Variants in NKAIN3 observed in about 807,000 individuals in gnomAD.
NKAIN3 encodes the protein sodium/potassium transporting ATPase interacting 3, also known as sodium/potassium-transporting ATPase subunit beta-1-interacting protein 3.
In NKAIN3, 25 loss-of-function variants were observed where a neutral mutation model predicts 30.2. The observed-to-expected ratio is 0.83, with a 90% CI of 0.60 to 1.16. The LOEUF (loss-of-function observed/expected upper bound fraction) is 1.16. Among genes scored for constraint, NKAIN3 ranks in the 50% most tolerant of loss-of-function variants. The pLI is 0.00. For synonymous variants in NKAIN3, 91 were observed against 89.6 expected (o/e 1.02, Z -0.09); for missense variants, 225 against 254.1 (o/e 0.89, Z 0.78).
chr8:62,279,327 G>C (rs1813088300), intron 1 of NKAIN3, among the ~76,000 whole-genome samples: 1 of 152,178 alleles, frequency 6.6e-6, no homozygotes, highest in South Asian at 2.1e-4. Flanking sequence ...TAGGTTGCCT[G>C]TTCACTCTGA....
At chr8:62,767,462 G>T (rs983409322) in intron 4 of NKAIN3, among the ~76,000 whole-genome samples, 4 of 152,166 alleles carry the variant, frequency 2.6e-5, no homozygotes, top group Non-Finnish European at 4.4e-5. Flanking sequence ...CGCAGATACA[G>T]ACAGGCAGAC....
At chr8:62,886,887 A>G (rs1821161445) in intron 4 of NKAIN3, among the ~76,000 whole-genome samples, 1 of 151,138 alleles carries the variant, frequency 6.6e-6, no homozygotes, top group Non-Finnish European at 1.5e-5. Flanking sequence ...TCATTGTTCA[A>G]CTCCCACTTA....
At chr8:62,456,399 G>C (rs1195458929) in intron 1 of NKAIN3, among the ~76,000 whole-genome samples, 1 of 151,950 alleles carries the variant, frequency 6.6e-6, no homozygotes, top group African/African-American at 2.4e-5. Context: ...GGCGCCTGTA[G>C]TCCCAGCTAC....
At chr8:62,597,890 G>C (rs1441060277) in intron 3 of NKAIN3, among the ~76,000 whole-genome samples, 1 of 151,488 alleles carries the variant, frequency 6.6e-6, no homozygotes, top group Non-Finnish European at 1.5e-5. Context: ...TTTTGTTTTT[G>C]TTCATTATGT....
At chr8:62,326,089 A>G (rs1815114230) in intron 1 of NKAIN3, among the ~76,000 whole-genome samples, 1 of 151,900 alleles carries the variant, frequency 6.6e-6, no homozygotes, top group African/African-American at 2.4e-5. Context: ...TATTTTTGTT[A>G]CATTTATTGA....
At chr8:62,411,963 T>A (rs1398510155) in intron 1 of NKAIN3, among the ~76,000 whole-genome samples, 2 of 152,272 alleles carry the variant, frequency 1.3e-5, no homozygotes, top group Non-Finnish European at 2.9e-5. Context: ...ATTAATATAG[T>A]TAAAATGGCC....
At chr8:62,834,879 G>A (rs1017895462) in intron 4 of NKAIN3, among the ~76,000 whole-genome samples, 13 of 151,808 alleles carry the variant, frequency 8.6e-5, no homozygotes, top group South Asian at 4.1e-4. Flanking sequence ...CAAGGCAATC[G>A]TAAGCAAAAA....
intron 1 of NKAIN3, among the ~76,000 whole-genome samples, chr8:62,305,531 C>T (rs960082705): frequency 1.3e-5 from 2 of 150,496 alleles, no homozygotes; most frequent in Admixed American, 6.6e-5. Context: ...CAAATGCATT[C>T]CTAGAGAATC....
chr8:62,696,098 T>G (rs1429880242), intron 3 of NKAIN3, among the ~76,000 whole-genome samples: 1 of 151,380 alleles, frequency 6.6e-6, no homozygotes, highest in African/African-American at 2.5e-5. Context: ...CTTTTGATTT[T>G]TAATTTTTAA....
At chr8:62,365,957 A>G (rs1262766575) in intron 1 of NKAIN3, among the ~76,000 whole-genome samples, 2 of 152,180 alleles carry the variant, frequency 1.3e-5, no homozygotes, top group African/African-American at 4.8e-5. Flanking sequence ...GAATTTTTCA[A>G]AGTTTAAGAA....
intron 1 of NKAIN3, among the ~76,000 whole-genome samples, chr8:62,428,803 C>T (rs1298163334): frequency 6.6e-6 from 1 of 151,700 alleles, no homozygotes; most frequent in African/African-American, 2.4e-5. Context: ...TAATTGTTTC[C>T]TTTGCTGTAG....
intron 2 of NKAIN3, among the ~76,000 whole-genome samples, chr8:62,582,142 CCTTCCTT>C (rs1810324943): frequency 8.3e-6 from 1 of 121,126 alleles, no homozygotes; most frequent in Admixed American, 8.7e-5. Flanking sequence ...TTTCTTCCTT[CCTTCCTT>C]CTTCTTTCCC....
intron 1 of NKAIN3, among the ~76,000 whole-genome samples, chr8:62,575,352 A>G (rs1810076009): frequency 6.6e-6 from 1 of 152,244 alleles, no homozygotes; most frequent in African/African-American, 2.4e-5. Flanking sequence ...AAACCCAGAA[A>G]GTAATCCCAT....
At chr8:62,922,988 G>A (rs996720860) in intron 5 of NKAIN3, among the ~76,000 whole-genome samples, 1 of 152,124 alleles carries the variant, frequency 6.6e-6, no homozygotes, top group Non-Finnish European at 1.5e-5. Flanking sequence ...TGCCTTGTAT[G>A]TAGAATTCAA....
chr8:62,544,186 A>G (rs1222708573), intron 1 of NKAIN3, among the ~76,000 whole-genome samples: 1 of 151,918 alleles, frequency 6.6e-6, no homozygotes, highest in East Asian at 1.9e-4. Context: ...TATTTTTTGT[A>G]CAGACATAGT....
chr8:62,525,226 T>C (rs1310897758), intron 1 of NKAIN3, among the ~76,000 whole-genome samples: 2 of 151,712 alleles, frequency 1.3e-5, no homozygotes, highest in Non-Finnish European at 2.9e-5. Context: ...TACACAAGGA[T>C]GCATACTTAA....
chr8:62,828,924 A>G (rs1267766185), intron 4 of NKAIN3, among the ~76,000 whole-genome samples: 1 of 152,166 alleles, frequency 6.6e-6, no homozygotes, highest in Non-Finnish European at 1.5e-5. Flanking sequence ...ATCTAGCTCC[A>G]GTCAAACCAC....
intron 3 of NKAIN3, among the ~76,000 whole-genome samples, chr8:62,628,372 T>A (rs757928203): frequency 2.1e-4 from 32 of 152,162 alleles, no homozygotes; most frequent in Non-Finnish European, 3.5e-4. Flanking sequence ...TATCTGTGGT[T>A]TGCATAGCGA....
At chr8:62,794,770 A>T (rs1817809796) in intron 4 of NKAIN3, among the ~76,000 whole-genome samples, 1 of 152,192 alleles carries the variant, frequency 6.6e-6, no homozygotes. Context: ...TGAAGTGTCT[A>T]ACGTGGTAGA....
Sources: allele counts gnomAD v4.1 joint callset (sites outside exome capture counted in the v4.1 genomes callset), GRCh38; gene constraint gnomAD v4.1.1; transcripts MANE v1.5; gene names NCBI Gene and HGNC (gene_info 2026-07-23, HGNC 2026-07-21).